The following SNRNP48 variants were observed in gnomAD, a reference collection of about 807,000 sequenced individuals.
The protein encoded by SNRNP48 is small nuclear ribonucleoprotein U11/U12 subunit 48.
Under a neutral mutation model 47.0 loss-of-function variants are expected in SNRNP48, and 43 were observed. That is an observed-to-expected ratio of 0.92 (90% CI 0.72 to 1.18). The LOEUF is 1.18. Among genes scored for constraint, SNRNP48 ranks in the 50% most tolerant of loss-of-function variants. The pLI, the probability that SNRNP48 is intolerant of heterozygous loss-of-function variation, is 0.00. For missense variants in SNRNP48, 396 were observed against 422.2 expected, an observed-to-expected ratio of 0.94 and a Z score of 0.54; for synonymous variants, 138 against 144.0, an observed-to-expected ratio of 0.96 and a Z score of 0.30.
In SNRNP48 at chr6:7,611,569, T is replaced by TA. The variant is rs964194056; in HGVS notation, c.*2699dup. ...GAACTCAGCACTCAGAATTTTAAAT[T>TA]AAATCAATGATCTTCAAGTATTTGC... On this transcript the variant is annotated 3_prime_UTR_variant, in exon 9 of 9. Transcript: ENST00000342415. 6.6e-6 allele frequency: 1 copy of TA among 152,218 alleles called. No homozygotes were observed. The highest frequency in any genetic ancestry group is 2.4e-5 in the African/African-American group (1 of 41,464). 9.4% of individuals were successfully genotyped at this position (152,218 alleles called of 1,614,324 possible).
chr6:7,598,073 T>C lies in SNRNP48; in HGVS notation c.406+2972T>C, dbSNP rs540495450. Among the ~76,000 whole-genome samples, 159 of 151,894 alleles carry C rather than the reference T, an allele frequency of 1.0e-3. 1 individual carries two copies. Among genetic ancestry groups the C allele is most frequent in the Non-Finnish European group, 2.1e-4 (14 of 67,916 alleles). On this transcript the variant is annotated intron_variant, in intron 4 of 8. Transcript: ENST00000342415. ...TAGTAGAGACGGGGTTTCACTGTGT[T>C]AGCCACGATGGTCTCGATCTCCTGA...
At position 7,593,908 on chromosome 6, in the gene SNRNP48, C is replaced by T. The variant is rs1037627795; in HGVS notation, c.270+61C>T. On this transcript the variant is annotated intron_variant, in intron 2 of 8. Coordinates refer to ENST00000342415, the MANE Select transcript of SNRNP48 (RefSeq NM_152551.4). ...GTCATGCATTTTACACATTAATTCA[C>T]AATTTTTGGAAGTTACAATGTGAGG... 1.7e-5 allele frequency: 22 copies of T among 1,297,012 alleles called. No individual in the cohort carries two copies. The African/African-American group carries it at 2.8e-4, about 16-fold the overall frequency. The allele number at this position is 1,297,012 out of a possible 1,614,324, so 80.3% of individuals were successfully genotyped here. A position where few individuals can be genotyped will look rare whatever the true frequency, so the allele number is the denominator to read the frequency against.
At chr6:7,591,063 G>A (rs1289252303) in intron 1 of SNRNP48, among the ~76,000 whole-genome samples, 1 of 152,202 alleles carries the variant, frequency 6.6e-6, no homozygotes, top group African/African-American at 2.4e-5. Flanking sequence ...ATAAGTGAAC[G>A]TGTCTCAGAG....
At chr6:7,602,285 C>T (rs918315212) in intron 5 of SNRNP48, among the ~76,000 whole-genome samples, 1 of 152,086 alleles carries the variant, frequency 6.6e-6, no homozygotes, top group Non-Finnish European at 1.5e-5. Flanking sequence ...CTTGGGGGTT[C>T]CTGAACAAAT....
Position 7,599,714 on chromosome 6 carries a change from A to G in SNRNP48, c.407-1622A>G, listed in dbSNP as rs757290405. ...AAAGAGGAATTAGGAACCTGAATGT[A>G]CTCCTTATTTAAAGATATGCAGTAT... On this transcript the variant is annotated intron_variant, in intron 4 of 8. Transcript: ENST00000342415. 6 of 1,284,126 alleles carry G rather than the reference A, an allele frequency of 4.7e-6. No individual in the cohort carries two copies. In the South Asian group the frequency reaches 6.2e-5, roughly 13 times the overall value. 79.5% of individuals were successfully genotyped at this position (1,284,126 alleles called of 1,614,324 possible). A position where few individuals can be genotyped will look rare whatever the true frequency, so the allele number is the denominator to read the frequency against.
In SNRNP48 at chr6:7,610,728, TA is replaced by T. The variant is rs1301552314; in HGVS notation, c.*1856del. The T allele has an allele frequency of 2.0e-4, 30 of 152,332 alleles. No homozygotes were observed. Among genetic ancestry groups the T allele is most frequent in the African/African-American group, 7.2e-4 (30 of 41,572 alleles). The allele number at this position is 152,332 out of a possible 1,614,324, so 9.4% of individuals were successfully genotyped here. On this transcript the variant is annotated 3_prime_UTR_variant, in exon 9 of 9. Transcript: ENST00000342415. ...CCAGAGTTCTTTAAAGCTCACATTT[TA>T]TAGTATCACTGCTACAAACTATTTA...
chr6:7,597,098 C>T (rs1164232252), intron 4 of SNRNP48, among the ~76,000 whole-genome samples: 1 of 152,106 alleles, frequency 6.6e-6, no homozygotes, highest in Non-Finnish European at 1.5e-5. Context: ...TTCTCTTTCA[C>T]AACAAACTTG....
chr6:7,599,617 C>G, intron 4 of SNRNP48: 1 of 1,034,570 alleles, frequency 9.7e-7, no homozygotes, highest in South Asian at 1.5e-5. Flanking sequence ...ATCTATGTTC[C>G]GAATGAATTG....
intron 6 of SNRNP48, 58 bp downstream of exon 6, chr6:7,602,802 G>T: frequency 6.8e-7 from 1 of 1,462,180 alleles, no homozygotes; most frequent in Admixed American, 2.5e-5. Flanking sequence ...TTCTAAATCT[G>T]TTCTATGAAT....
chr6:7,609,225 A>G lies in SNRNP48; in HGVS notation c.*352A>G, dbSNP rs1760187269. 6.4e-6 allele frequency: 1 copy of G among 157,040 alleles called. No individual in the cohort carries two copies. Among genetic ancestry groups the G allele is most frequent in the African/African-American group, 2.4e-5 (1 of 41,680 alleles). 9.7% of individuals were successfully genotyped at this position (157,040 alleles called of 1,614,324 possible). ...CATTCTCATCTTATAACTACATCTT[A>G]TAAATAAGGCTAATAACCCTTAGAA... is the stretch of plus-strand genomic sequence containing the variant. On this transcript the variant is annotated 3_prime_UTR_variant, in exon 9 of 9. Transcript: ENST00000342415.
intron 4 of SNRNP48, among the ~76,000 whole-genome samples, chr6:7,598,118 T>G (rs1361009290): frequency 3.3e-5 from 5 of 151,786 alleles, no homozygotes; most frequent in Admixed American, 6.5e-5. Context: ...CTGCCCACCT[T>G]GGCCTCCCAA....
intron 4 of SNRNP48, among the ~76,000 whole-genome samples, chr6:7,596,134 A>G (rs1164939690): frequency 6.6e-6 from 1 of 151,972 alleles, no homozygotes; most frequent in African/African-American, 2.4e-5. Context: ...GCATGGTGGC[A>G]AGCACCTGTA....
At chr6:7,605,667 AC>A (rs1473492874) in intron 7 of SNRNP48, among the ~76,000 whole-genome samples, 181 bp downstream of exon 7, 1 of 152,164 alleles carries the variant, frequency 6.6e-6, no homozygotes, top group Non-Finnish European at 1.5e-5. Flanking sequence ...TTCTGACATT[AC>A]CCTTTGACAG....
At chr6:7,602,794 C>T (rs1760053275) in intron 6 of SNRNP48, 50 bp downstream of exon 6, 1 of 1,490,332 alleles carries the variant, frequency 6.7e-7, no homozygotes, top group Non-Finnish European at 8.9e-7. Flanking sequence ...AGGTAATTTT[C>T]TAAATCTGTT....
chr6:7,600,176 A>G, intron 4 of SNRNP48: 5 of 991,724 alleles, frequency 5.0e-6, no homozygotes, highest in Non-Finnish European at 6.0e-6. Flanking sequence ...AAATGGCCAT[A>G]TATTGTTATG....
In SNRNP48 at chr6:7,605,506, G is replaced by A. The variant is rs772007242; in HGVS notation, c.806+20G>A. 24 of 1,596,328 alleles carry A rather than the reference G, an allele frequency of 1.5e-5. No individual in the cohort carries two copies. Among genetic ancestry groups the A allele is most frequent in the Non-Finnish European group, 2.1e-5 (24 of 1,165,106 alleles). ...CGAAAAGTACGTCATTATCTTTATT[G>A]GTGAAAATACTCTCTCTTTGATAAC... On this transcript the variant is annotated intron_variant, in intron 7 of 8. Transcript: ENST00000342415.
chr6:7,599,327 C>T (rs141941681), intron 4 of SNRNP48, among the ~76,000 whole-genome samples: 322 of 152,094 alleles, frequency 2.1e-3, no homozygotes, highest in African/African-American at 7.4e-3. Context: ...TTTGGGGTGA[C>T]GAAAAAGTTC....
chr6:7,599,934 T>C (rs940095537), intron 4 of SNRNP48: 1 of 998,930 alleles, frequency 1.0e-6, no homozygotes, highest in African/African-American at 1.7e-5. Flanking sequence ...TTATATTTCT[T>C]TGTTTAAAAA....
chr6:7,603,657 C>A (rs1179322779), intron 6 of SNRNP48, among the ~76,000 whole-genome samples: 1 of 152,222 alleles, frequency 6.6e-6, no homozygotes, highest in Non-Finnish European at 1.5e-5. Flanking sequence ...CCATGAGGTG[C>A]TAGTTGACTA....
Sources: allele counts gnomAD v4.1 joint callset (sites outside exome capture counted in the v4.1 genomes callset), GRCh38; gene constraint gnomAD v4.1.1; transcripts MANE v1.5; gene names NCBI Gene and HGNC (gene_info 2026-07-23, HGNC 2026-07-21).